Variants in CSMD1 observed in about 807,000 individuals in gnomAD.
CSMD1 encodes the protein CUB and sushi domain-containing protein 1.
A neutral mutation model predicts 417.5 loss-of-function variants in CSMD1; 213 were observed. The observed-to-expected ratio is 0.51, with a 90% CI of 0.46 to 0.57. CSMD1 has a LOEUF of 0.57. Ranked by LOEUF, CSMD1 falls within the 20% of genes least tolerant of loss-of-function variation. CSMD1 has a pLI of 0.00. For missense variants in CSMD1, 6,923 were observed against 4,529.7 expected, an observed-to-expected ratio of 1.53 and a Z score of -15.17; for synonymous variants, 2,862 against 1,736.8, an observed-to-expected ratio of 1.65 and a Z score of -16.11.
At chr8:4,764,021 A>C (rs1297713497) in intron 1 of CSMD1, among the ~76,000 whole-genome samples, 3 of 152,170 alleles carry the variant, frequency 2.0e-5, no homozygotes, top group African/African-American at 4.8e-5. Flanking sequence ...ATCTTACAAG[A>C]AGCAGCTGCT....
At chr8:4,992,000 C>A (rs1042092283) in intron 1 of CSMD1, among the ~76,000 whole-genome samples, 1 of 152,182 alleles carries the variant, frequency 6.6e-6, no homozygotes, top group Non-Finnish European at 1.5e-5. Flanking sequence ...CACACACTTG[C>A]GCACAGCACC....
intron 48 of CSMD1, among the ~76,000 whole-genome samples, chr8:3,089,398 T>A (rs1210732055): frequency 7.2e-5 from 11 of 152,230 alleles, no homozygotes; most frequent in Admixed American, 7.2e-4. Context: ...TAGCACAGTT[T>A]ACGGAATTGT....
chr8:3,174,685 T>C (rs1040666331), intron 37 of CSMD1, among the ~76,000 whole-genome samples: 1 of 152,226 alleles, frequency 6.6e-6, no homozygotes. Context: ...TTTATGATTT[T>C]ATTGTCAGAA....
At chr8:4,481,679 G>T (rs1563219877) in intron 2 of CSMD1, among the ~76,000 whole-genome samples, 1 of 152,142 alleles carries the variant, frequency 6.6e-6, no homozygotes, top group Non-Finnish European at 1.5e-5. Flanking sequence ...CCTTGTAAAT[G>T]CTTCAGGACT....
intron 3 of CSMD1, among the ~76,000 whole-genome samples, chr8:4,340,497 C>T (rs914769760): frequency 6.6e-6 from 1 of 152,044 alleles, no homozygotes. Context: ...ATGGTCGAGT[C>T]CCCAATGTCA....
chr8:4,032,698 C>T (rs755858730), intron 3 of CSMD1, among the ~76,000 whole-genome samples: 7 of 152,184 alleles, frequency 4.6e-5, no homozygotes, highest in African/African-American at 1.7e-4. Flanking sequence ...AGCAGCCAGG[C>T]TCTGTCCATT....
chr8:4,094,274 G>C (rs1800882712), intron 3 of CSMD1, among the ~76,000 whole-genome samples: 3 of 152,240 alleles, frequency 2.0e-5, no homozygotes, highest in African/African-American at 4.8e-5. Flanking sequence ...TGATCTACTG[G>C]GGGAGGCGGT....
At chr8:3,979,125 G>A (rs1813659984) in intron 5 of CSMD1, among the ~76,000 whole-genome samples, 1 of 152,236 alleles carries the variant, frequency 6.6e-6, no homozygotes, top group African/African-American at 2.4e-5. Context: ...ACTTCACAGT[G>A]AAACATGGGG....
At chr8:4,727,371 G>C (rs1003109026) in intron 1 of CSMD1, among the ~76,000 whole-genome samples, 1 of 152,152 alleles carries the variant, frequency 6.6e-6, no homozygotes, top group African/African-American at 2.4e-5. Context: ...AAACACTAAT[G>C]CTCTCCATTG....
At chr8:4,481,777 G>C (rs2130132773) in intron 2 of CSMD1, among the ~76,000 whole-genome samples, 1 of 152,270 alleles carries the variant, frequency 6.6e-6, no homozygotes, top group African/African-American at 2.4e-5. Flanking sequence ...ATATGCCAGA[G>C]ACTATTGTGA....
rs118124829 is a variant in CSMD1, at chr8:4,081,533, C to T, written c.416-49434G>A. ...GAACTGGGGTCCCCCTACCAACCACCGGAAAGGAACCGAAGCTGTGCTCAT... is the reference window on the plus strand; with the variant it reads ...GAACTGGGGTCCCCCTACCAACCACTGGAAAGGAACCGAAGCTGTGCTCAT... On this transcript the variant is annotated intron_variant, in intron 3 of 69. Coordinates refer to ENST00000635120, the MANE Select transcript of CSMD1 (RefSeq NM_033225.6). 2.8e-3 allele frequency among the ~76,000 whole-genome samples: 428 copies of T among 152,224 alleles called. 14 individuals carry two copies. In the East Asian group the frequency reaches 0.061, roughly 22 times the overall value.
intron 1 of CSMD1, among the ~76,000 whole-genome samples, chr8:4,747,620 G>A (rs577656579): frequency 6.6e-6 from 1 of 152,128 alleles, no homozygotes; most frequent in African/African-American, 2.4e-5. Context: ...TTATTCTGGA[G>A]TTAGCATCAT....
intron 20 of CSMD1, among the ~76,000 whole-genome samples, chr8:3,366,538 T>C (rs114889228): frequency 1.1e-3 from 163 of 152,340 alleles, no homozygotes; most frequent in African/African-American, 3.7e-3. Flanking sequence ...TTTTTTGTCA[T>C]TGCATATGAA....
chr8:4,031,786 A>G, intron 4 of CSMD1, 119 bp downstream of exon 4: 1 of 688,242 alleles, frequency 1.5e-6, no homozygotes, highest in Non-Finnish European at 2.3e-6. Flanking sequence ...ATGAGCTGAC[A>G]TTGTAAGAGT....
intron 3 of CSMD1, among the ~76,000 whole-genome samples, chr8:4,065,858 A>G (rs2130758465): frequency 6.6e-6 from 1 of 152,344 alleles, no homozygotes; most frequent in South Asian, 2.1e-4. Flanking sequence ...ACACACCCAA[A>G]GTTTTCCTTC....
intron 3 of CSMD1, among the ~76,000 whole-genome samples, chr8:4,317,826 T>G (rs1415265225): frequency 6.6e-6 from 1 of 152,182 alleles, no homozygotes; most frequent in East Asian, 1.9e-4. Context: ...TCAGTAATTA[T>G]TTGTTTAATG....
chr8:3,472,697 C>G (rs940718738), intron 11 of CSMD1, among the ~76,000 whole-genome samples: 3 of 151,972 alleles, frequency 2.0e-5, no homozygotes, highest in African/African-American at 7.3e-5. Flanking sequence ...TGCCCTAAGT[C>G]GTCATCATTT....
chr8:4,155,348 G>C (rs1333989839), intron 3 of CSMD1, among the ~76,000 whole-genome samples: 1 of 152,070 alleles, frequency 6.6e-6, no homozygotes, highest in African/African-American at 2.4e-5. Flanking sequence ...ACTCCCGCAG[G>C]GTAAACAGCC....
intron 3 of CSMD1, among the ~76,000 whole-genome samples, chr8:4,324,480 T>A (rs1799440734): frequency 1.3e-5 from 2 of 152,192 alleles, no homozygotes; most frequent in African/African-American, 4.8e-5. Flanking sequence ...TCTGAAATCT[T>A]CTTGGAAGCA....
Sources: allele counts gnomAD v4.1 joint callset (sites outside exome capture counted in the v4.1 genomes callset), GRCh38; gene constraint gnomAD v4.1.1; transcripts MANE v1.5; gene names NCBI Gene and HGNC (gene_info 2026-07-23, HGNC 2026-07-21).